Variants in SNURF observed in about 807,000 individuals in gnomAD.
SNURF encodes the protein SNRPN upstream open reading frame.
In SNURF, 6 loss-of-function variants were observed where a neutral mutation model predicts 11.6. That is an observed-to-expected ratio of 0.52 (90% confidence interval 0.28 to 1.02). The LOEUF (loss-of-function observed/expected upper bound fraction) is 1.02. SNURF is among the 50% of genes least tolerant of loss of function. SNURF has a pLI of 0.09. For missense variants in SNURF, 84 were observed against 88.4 expected (o/e 0.95, Z 0.20); for synonymous variants, 29 against 31.6 (o/e 0.92, Z 0.27).
downstream of SNURF, among the ~76,000 whole-genome samples, chr15:24,972,860 A>G (rs1164251428): frequency 1.3e-5 from 2 of 151,908 alleles, no homozygotes; most frequent in Non-Finnish European, 2.9e-5. Context: ...TTACAAAACC[A>G]TGTTTTCATT....
intron 2 of SNURF, among the ~76,000 whole-genome samples, chr15:24,964,148 A>G (rs1054048843): frequency 1.3e-5 from 2 of 151,900 alleles, no homozygotes; most frequent in African/African-American, 4.8e-5. Flanking sequence ...TAGTGAGTAT[A>G]TTTAAGTACA....
intron 5 of SNURF, chr15:24,976,868 T>C (rs1424870649): frequency 1.9e-6 from 3 of 1,605,176 alleles, no homozygotes; most frequent in Non-Finnish European, 2.5e-6. Context: ...ATGAATTTTC[T>C]TGTTTCAGAC....
downstream of SNURF, among the ~76,000 whole-genome samples, chr15:24,971,205 C>T (rs1167154727): frequency 6.6e-6 from 1 of 152,204 alleles, no homozygotes; most frequent in Admixed American, 6.5e-5. Context: ...GATACCAGTT[C>T]GTTAATTTGC....
At chr15:24,970,794 C>T (rs538634689), downstream of SNURF, among the ~76,000 whole-genome samples, 2 of 152,250 alleles carry the variant, frequency 1.3e-5, no homozygotes, top group East Asian at 1.9e-4. Context: ...CAGTACCACC[C>T]TTTGTATTCT....
chr15:24,978,055 A>G, downstream of SNURF: 1 of 1,195,390 alleles, frequency 8.4e-7, no homozygotes, highest in Non-Finnish European at 1.2e-6. Context: ...TGAAAGACAT[A>G]GAAGAGTAAT....
rs540385143 is a variant in SNURF at position 24,974,539 on chromosome 15, G to A, written c.*46-819G>A. On this transcript the variant is annotated intron_variant and NMD_transcript_variant, in intron 3 of 6. Transcript: ENST00000580062. Reference sequence around the variant, plus strand: ...TTTGCCAGCATGTGCAGTGATCTTGGGTTCTGAATGTTAGAAATAAGGATA... The same window carrying A: ...TTTGCCAGCATGTGCAGTGATCTTGAGTTCTGAATGTTAGAAATAAGGATA... 1.4e-5 allele frequency: 18 copies of A among 1,294,564 alleles called. No homozygotes were observed. In the South Asian group the frequency reaches 1.9e-4, roughly 14 times the overall value. The allele number at this position is 1,294,564 out of a possible 1,614,324, so 80.2% of individuals were successfully genotyped here.
intron 1 of SNURF, among the ~76,000 whole-genome samples, chr15:24,958,344 A>G (rs1371027612): frequency 2.7e-5 from 4 of 149,156 alleles, no homozygotes; most frequent in Non-Finnish European, 5.9e-5. Flanking sequence ...TGGACAATGA[A>G]GTTTTAAAAA....
At chr15:24,975,952 CATT>C (rs1422206718) in intron 4 of SNURF, among the ~76,000 whole-genome samples, 4 of 152,056 alleles carry the variant, frequency 2.6e-5, no homozygotes, top group African/African-American at 7.2e-5. Context: ...TGTCACCTGT[CATT>C]ATGATTTAAT....
At chr15:24,971,910 C>G (rs2076454155), downstream of SNURF, among the ~76,000 whole-genome samples, 6 of 152,212 alleles carry the variant, frequency 3.9e-5, no homozygotes, top group South Asian at 1.2e-3. Flanking sequence ...AGTCATGATC[C>G]TTGTTGTCTC....
chr15:24,957,674 T>C (rs1436728605), intron 1 of SNURF, among the ~76,000 whole-genome samples: 1 of 152,254 alleles, frequency 6.6e-6, no homozygotes, highest in Non-Finnish European at 1.5e-5. Context: ...TGGAATAATC[T>C]ATTTTTGGGT....
At position 24,955,069 on chromosome 15, in the gene SNURF, T is replaced by G; in HGVS notation, c.14+7T>G. 1 of 1,613,570 alleles carries G rather than the reference T, an allele frequency of 6.2e-7. No homozygotes were observed. The highest frequency in any genetic ancestry group is 8.5e-7 in the Non-Finnish European group (1 of 1,180,016). The stretch of plus-strand genomic sequence containing the variant: ...ACGCGATGGAGCGGGCAAGGTCAGC[T>G]GTGCCGGTGGCTTCTCTCAAGAGAC... On this transcript the variant is annotated splice_region_variant and intron_variant, in intron 1 of 2. Transcript: ENST00000577949.
chr15:24,978,418 C>A, downstream of SNURF: 1 of 1,613,902 alleles, frequency 6.2e-7, no homozygotes, highest in Non-Finnish European at 8.5e-7. Context: ...TCCACCTCCC[C>A]CAGGAATGCG....
chr15:24,961,889 T>A (rs557279484), intron 1 of SNURF, among the ~76,000 whole-genome samples: 35 of 152,278 alleles, frequency 2.3e-4, no homozygotes, highest in Middle Eastern at 3.4e-3. Context: ...TGATTTTTTT[T>A]AAAACCAGAT....
At chr15:24,977,762 C>T (rs754001796) in intron 6 of SNURF, 16 of 1,578,204 alleles carry the variant, frequency 1.0e-5, no homozygotes, top group East Asian at 2.3e-5. Flanking sequence ...GACTGTTTCC[C>T]GCCCTGCCTT....
At chr15:24,978,299 C>T, downstream of SNURF, 1 of 1,614,108 alleles carries the variant, frequency 6.2e-7, no homozygotes, top group Non-Finnish European at 8.5e-7. Flanking sequence ...GAATGAGACC[C>T]CCTCCACCAG....
intron 1 of SNURF, among the ~76,000 whole-genome samples, chr15:24,961,716 TA>T (rs754091194): frequency 1.3e-5 from 2 of 152,346 alleles, no homozygotes; most frequent in East Asian, 3.9e-4. Flanking sequence ...TACTGTATCC[TA>T]AAAATATTTT....
rs542255437 is a variant in SNURF, at chr15:24,962,098, CT to C, written c.15-15del. The C allele has an allele frequency of 2.0e-5, 32 of 1,610,186 alleles. No homozygotes were observed. The Middle Eastern group carries it at 5.0e-4, about 25-fold the overall frequency. ...GATGCAGTCTACCAAACAAATGCCT[CT>C]CTTTTCTGTTTCAGGGATCGCTTAC... On this transcript the variant is annotated splice_polypyrimidine_tract_variant and intron_variant, in intron 1 of 2. Transcript: ENST00000577949.
At position 24,975,527 on chromosome 15, in the gene SNURF, A is replaced by G. The variant is rs531139684; in HGVS notation, c.*197+18A>G. 47 of 1,609,230 alleles carry G rather than the reference A, an allele frequency of 2.9e-5. 2 individuals are homozygous for G. The highest frequency in any genetic ancestry group is 2.4e-4 in the South Asian group (22 of 90,856). On this transcript the variant is annotated intron_variant and NMD_transcript_variant, in intron 4 of 6. Coordinates refer to the SNURF transcript ENST00000580062. ...AAGATCAAGTAAGGCTGATTTGGGC[A>G]AATGGGGGTTGGACACAGAGGCAGT...
chr15:24,969,437 G>A (rs550997680), downstream of SNURF, among the ~76,000 whole-genome samples: 21 of 152,200 alleles, frequency 1.4e-4, no homozygotes. Flanking sequence ...CCCATTTTGA[G>A]TTTAAATCAA....
Sources: allele counts gnomAD v4.1 joint callset (sites outside exome capture counted in the v4.1 genomes callset), GRCh38; gene constraint gnomAD v4.1.1; transcripts MANE v1.5; gene names NCBI Gene and HGNC (gene_info 2026-07-23, HGNC 2026-07-21).